The following ASB13 variants were observed in gnomAD, a reference collection of about 807,000 sequenced individuals.
ASB13 encodes the protein ankyrin repeat and SOCS box containing 13, also known as ankyrin repeat and SOCS box protein 13.
ASB13 carries 33 observed loss-of-function variants against 28.8 expected under a neutral mutation model. That is an observed-to-expected ratio of 1.15 (90% CI 0.87 to 1.53). The LOEUF (loss-of-function observed/expected upper bound fraction) is 1.53, where lower values mean the gene tolerates loss of function less well. ASB13 is among the 40% of genes most tolerant of loss of function. The pLI is 0.00. For synonymous variants in ASB13, 182 were observed against 172.9 expected, an observed-to-expected ratio of 1.05 and a Z score of -0.41; for missense variants, 414 against 390.1, an observed-to-expected ratio of 1.06 and a Z score of -0.52.
Position 5,651,432 on chromosome 10 carries a change from G to C in ASB13, c.232-69C>G. The C allele has an allele frequency of 6.9e-7, 1 of 1,458,082 alleles. No homozygotes were observed. Among genetic ancestry groups the C allele is most frequent in the South Asian group, 1.4e-5 (1 of 72,472 alleles). 90.3% of individuals were successfully genotyped at this position (1,458,082 alleles called of 1,614,324 possible). On this transcript the variant is annotated intron_variant, in intron 2 of 5. Coordinates refer to ENST00000357700, the MANE Select transcript of ASB13 (RefSeq NM_024701.4). This position sits in a 1 kb window ranked among gnomAD's most constrained non-coding sequence, Gnocchi z 5.1. ...ACGCAACCCACTTTCCCATCCTGCT[G>C]CAGGTTCATCTTTGCTAAGATGCTT... is the stretch of plus-strand genomic sequence containing the variant.
In ASB13 at chr10:5,642,528, C is replaced by T. The variant is rs1200761399; in HGVS notation, c.518-567G>A. On this transcript the variant is annotated intron_variant, in intron 4 of 5. Coordinates refer to ENST00000357700, the MANE Select transcript of ASB13 (RefSeq NM_024701.4). The surrounding 1 kb of genome is among the most constrained non-coding windows in gnomAD (Gnocchi z 4.1). ...TAAGCTCTGCACTCCTCAACTTTCT[C>T]ACGATAAGAGCAGACATTCATCAAG... 8.0e-7 allele frequency: 1 copy of T among 1,245,574 alleles called. No homozygotes were observed. The highest frequency in any genetic ancestry group is 1.6e-5 in the African/African-American group (1 of 63,088). The allele number at this position is 1,245,574 out of a possible 1,614,324, so 77.2% of individuals were successfully genotyped here.
Position 5,640,592 on chromosome 10 carries a change from A to T in ASB13, c.*111T>A, listed in dbSNP as rs1834792508. On this transcript the variant is annotated 3_prime_UTR_variant, in exon 6 of 6. Coordinates refer to ENST00000357700, the MANE Select transcript of ASB13 (RefSeq NM_024701.4). ...AGGATCGCAGGAAGGGACTCGAAGG[A>T]GCGTTGTTCTATCTACAGCAATCAC... is the stretch of plus-strand genomic sequence containing the variant. The T allele has an allele frequency of 2.9e-6, 4 of 1,365,162 alleles. No individual in the cohort carries two copies. The South Asian group carries it at 5.2e-5, about 18-fold the overall frequency. The allele number at this position is 1,365,162 out of a possible 1,614,324, so 84.6% of individuals were successfully genotyped here.
At chr10:5,646,814 C>T (rs762299248) in intron 4 of ASB13, among the ~76,000 whole-genome samples, 1 of 152,096 alleles carries the variant, frequency 6.6e-6, no homozygotes, top group African/African-American at 2.4e-5. Flanking sequence ...AAATGGAACT[C>T]GTGTGTACTG....
At position 5,652,599 on chromosome 10, in the gene ASB13, G is replaced by C. The variant is rs1835004812; in HGVS notation, c.231+264C>G. On this transcript the variant is annotated intron_variant, in intron 2 of 5. Transcript: ENST00000357700. The surrounding 1 kb of genome is among the most constrained non-coding windows in gnomAD (Gnocchi z 5.0). ...CTGCCCCTGAGAGAGCCTGTGTCTA[G>C]GCTGCGGCCAGCCTGCTGGCTCCTG... is the stretch of plus-strand genomic sequence containing the variant. Among the ~76,000 whole-genome samples, 1 of 152,226 alleles carries C rather than the reference G, an allele frequency of 6.6e-6. No individual in the cohort carries two copies. The highest frequency in any genetic ancestry group is 1.5e-5 in the Non-Finnish European group (1 of 68,044).
chr10:5,652,765 G>T lies in ASB13; in HGVS notation c.231+98C>A. 1 of 1,296,920 alleles carries T rather than the reference G, an allele frequency of 7.7e-7. No homozygotes were observed. The highest frequency in any genetic ancestry group is 1.0e-6 in the Non-Finnish European group (1 of 967,154). The allele number at this position is 1,296,920 out of a possible 1,614,324, so 80.3% of individuals were successfully genotyped here. Reference sequence around the variant, plus strand: ...ACCTGTGTGCAGTGGACACAGTGCAGCCCCCATCCTCCCCTCTTTCCCAAG... The same window carrying T: ...ACCTGTGTGCAGTGGACACAGTGCATCCCCCATCCTCCCCTCTTTCCCAAG... On this transcript the variant is annotated intron_variant, in intron 2 of 5. Coordinates refer to ENST00000357700, the MANE Select transcript of ASB13 (RefSeq NM_024701.4). The surrounding 1 kb of genome is among the most constrained non-coding windows in gnomAD (Gnocchi z 5.0).
In ASB13 at chr10:5,649,128, G is replaced by C. The variant is rs754527155; in HGVS notation, c.383-24C>G. 6.2e-7 allele frequency: 1 copy of C among 1,613,694 alleles called. No homozygotes were observed. Among genetic ancestry groups the C allele is most frequent in the East Asian group, 2.2e-5 (1 of 44,880 alleles). ...CCCTTAAGATAAATGGAAAAGGGGG[G>C]GAATGTCCTTGAATACGGACACTGG... On this transcript the variant is annotated intron_variant, in intron 3 of 5. Coordinates refer to ENST00000357700, the MANE Select transcript of ASB13 (RefSeq NM_024701.4). The surrounding 1 kb of genome is among the most constrained non-coding windows in gnomAD (Gnocchi z 6.4).
Position 5,656,528 on chromosome 10 carries a change from G to T in ASB13, c.44-3478C>A, listed in dbSNP as rs984517484. ...CATTCCAGCCTGGGCAACCGAGCAA[G>T]ACTCCGTCTCAAGAAAAAAAAAAAA... On this transcript the variant is annotated intron_variant, in intron 1 of 5. Coordinates refer to ENST00000357700, the MANE Select transcript of ASB13 (RefSeq NM_024701.4). The surrounding 1 kb of genome is among the most constrained non-coding windows in gnomAD (Gnocchi z 4.3). 2.9e-5 allele frequency among the ~76,000 whole-genome samples: 4 copies of T among 137,342 alleles called. No individual in the cohort carries two copies. Among genetic ancestry groups the T allele is most frequent in the African/African-American group, 1.1e-4 (4 of 36,958 alleles). 90.1% of individuals were successfully genotyped at this position (137,342 alleles called of 152,430 possible). A position where few individuals can be genotyped will look rare whatever the true frequency, so the allele number is the denominator to read the frequency against.
rs1455410475 is a variant in ASB13 at position 5,649,297 on chromosome 10, CCGCTGAG to C, written c.383-200_383-194del. On this transcript the variant is annotated intron_variant, in intron 3 of 5. Transcript: ENST00000357700. The surrounding 1 kb of genome is among the most constrained non-coding windows in gnomAD (Gnocchi z 6.4). ...GGAAGCCAGGACACGGCTCTGCGCC[CCGCTGAG>C]GACGGAGGGCTCAAGGCAGTGGGAG... 3.3e-5 allele frequency among the ~76,000 whole-genome samples: 5 copies of C among 152,228 alleles called. No individual in the cohort carries two copies. Among genetic ancestry groups the C allele is most frequent in the Admixed American group, 2.0e-4 (3 of 15,294 alleles).
At chr10:5,662,376 G>A (rs2131458758) in intron 1 of ASB13, among the ~76,000 whole-genome samples, 1 of 151,802 alleles carries the variant, frequency 6.6e-6, no homozygotes, top group African/African-American at 2.4e-5. Context: ...AAAATTAGCT[G>A]GGTGTGGTGG....
Position 5,649,024 on chromosome 10 carries a change from G to A in ASB13, c.463C>T (p.His155Tyr). 6.2e-7 allele frequency: 1 copy of A among 1,614,274 alleles called. No homozygotes were observed. The highest frequency in any genetic ancestry group is 8.5e-7 in the Non-Finnish European group (1 of 1,180,054). Residue 155 changes from histidine to tyrosine, a missense_variant, in exon 4 of 6, where the codon CAC becomes TAC. His to Tyr is a moderately conservative substitution (Grantham distance 83). Transcript: ENST00000357700. The surrounding 1 kb of genome is among the most constrained non-coding windows in gnomAD (Gnocchi z 6.4). ...AHDCHFGTPL[H>Y]VACAREHLDC... ...AGATGCTCCCGGGCACAGGCAACGT[G>A]CAGAGGGGTCCCAAAATGGCAATCG...
Position 5,650,260 on chromosome 10 carries a change from G to C in ASB13, c.382+953C>G, listed in dbSNP as rs549787565. ...CCAACTCATCCCTCTGCTTCCAGGA[G>C]ACCCCAGCCACCACTGCACCTCCGT... On this transcript the variant is annotated intron_variant, in intron 3 of 5. Coordinates refer to ENST00000357700, the MANE Select transcript of ASB13 (RefSeq NM_024701.4). This position sits in a 1 kb window ranked among gnomAD's most constrained non-coding sequence, Gnocchi z 6.0. 3.9e-5 allele frequency among the ~76,000 whole-genome samples: 6 copies of C among 152,256 alleles called. No homozygotes were observed. In the East Asian group the frequency reaches 1.2e-3, roughly 29 times the overall value.
At chr10:5,665,919 T>G (rs538107430) in intron 1 of ASB13, among the ~76,000 whole-genome samples, 1 of 152,276 alleles carries the variant, frequency 6.6e-6, no homozygotes, top group East Asian at 1.9e-4. Flanking sequence ...TCAAATCCAT[T>G]TCATTCTTGG....
chr10:5,653,146 C>G, intron 1 of ASB13, 96 bp from the exon 2 acceptor site: 4 of 1,226,828 alleles, frequency 3.3e-6, no homozygotes, highest in Non-Finnish European at 4.5e-6. Context: ...GCCACCAAGG[C>G]ACCATCCGTG....
At chr10:5,662,823 G>C (rs4747977) in intron 1 of ASB13, among the ~76,000 whole-genome samples, 48,602 of 152,012 alleles carry the variant, frequency 0.32, 7,805 homozygotes, top group Admixed American at 0.36. Context: ...TAAAGACAGT[G>C]TACGTGACAA....
rs553608992 is a variant in ASB13 at position 5,641,919 on chromosome 10, T to C, written c.560A>G (p.His187Arg). The C allele has an allele frequency of 1.7e-5, 28 of 1,612,878 alleles. No individual in the cohort carries two copies. Among genetic ancestry groups the C allele is most frequent in the Non-Finnish European group, 2.4e-5 (28 of 1,179,052 alleles). Residue 187 changes from histidine to arginine, a missense_variant, in exon 5 of 6, where the codon CAC becomes CGC. His to Arg is a conservative substitution (Grantham distance 29, BLOSUM62 0). Coordinates refer to ENST00000357700, the MANE Select transcript of ASB13 (RefSeq NM_024701.4). The surrounding 1 kb of genome is among the most constrained non-coding windows in gnomAD (Gnocchi z 8.4). ...NAAKLHETAL[H>R]HAAKVKNVDL... is the part of the protein sequence containing the mutation. ...AACATTCTTGACCTTGGCCGCGTGGTGAAGGGCAGTCTCATGAAGCTTTGC... is the reference window on the plus strand; with the variant it reads ...AACATTCTTGACCTTGGCCGCGTGGCGAAGGGCAGTCTCATGAAGCTTTGC...
chr10:5,655,533 C>T lies in ASB13; in HGVS notation c.44-2483G>A, dbSNP rs1049580587. Reference sequence around the variant, plus strand: ...CTGTCTTGTCCACAGCCAAAGAGCCCGGGTGACCCTATGTCAGTGGAAGTG... The same window carrying T: ...CTGTCTTGTCCACAGCCAAAGAGCCTGGGTGACCCTATGTCAGTGGAAGTG... On this transcript the variant is annotated intron_variant, in intron 1 of 5. Transcript: ENST00000357700. This position sits in a 1 kb window ranked among gnomAD's most constrained non-coding sequence, Gnocchi z 6.2. Among the ~76,000 whole-genome samples, 4 of 152,166 alleles carry T rather than the reference C, an allele frequency of 2.6e-5. No individual in the cohort carries two copies. Among genetic ancestry groups the T allele is most frequent in the African/African-American group, 7.2e-5 (3 of 41,446 alleles).
At chr10:5,648,914 C>T in intron 4 of ASB13, 56 bp downstream of exon 4, 1 of 1,600,942 alleles carries the variant, frequency 6.2e-7, no homozygotes, top group African/African-American at 1.3e-5. Context: ...AGGTAAACAC[C>T]CGCTCGGGCA....
At chr10:5,654,434 A>G (rs1415807038) in intron 1 of ASB13, among the ~76,000 whole-genome samples, 1 of 152,218 alleles carries the variant, frequency 6.6e-6, no homozygotes, top group Non-Finnish European at 1.5e-5. Flanking sequence ...GGACGAGTCA[A>G]GGACCATCAG....
At position 5,655,448 on chromosome 10, in the gene ASB13, C is replaced by T. The variant is rs1343184525; in HGVS notation, c.44-2398G>A. Among the ~76,000 whole-genome samples the T allele has an allele frequency of 6.6e-6, 1 of 152,182 alleles. No homozygotes were observed. Among genetic ancestry groups the T allele is most frequent in the African/African-American group, 2.4e-5 (1 of 41,438 alleles). On this transcript the variant is annotated intron_variant, in intron 1 of 5. Transcript: ENST00000357700. This position sits in a 1 kb window ranked among gnomAD's most constrained non-coding sequence, Gnocchi z 6.2. Reference sequence around the variant, plus strand: ...GCACTTAAAGGGTGGGGCCTGGCACCGAATCAGTGCTCAATAAACACTGTC... The same window carrying T: ...GCACTTAAAGGGTGGGGCCTGGCACTGAATCAGTGCTCAATAAACACTGTC...
Sources: allele counts gnomAD v4.1 joint callset (sites outside exome capture counted in the v4.1 genomes callset), GRCh38; gene constraint gnomAD v4.1.1; non-coding constraint Gnocchi (gnomAD v3.1); transcripts MANE v1.5; gene names NCBI Gene and HGNC (gene_info 2026-07-23, HGNC 2026-07-21).